HSD17B12: variants seen among roughly 807,000 people sequenced by gnomAD.
HSD17B12 encodes the protein hydroxysteroid 17-beta dehydrogenase 12, also known as very-long-chain 3-oxoacyl-CoA reductase.
HSD17B12 carries 32 observed loss-of-function variants against 39.3 expected under a neutral mutation model. The observed-to-expected ratio is 0.81, with a 90% CI of 0.61 to 1.09. The LOEUF is 1.09. Among genes scored for constraint, HSD17B12 ranks in the 50% least tolerant of loss-of-function variants. The probability of loss-of-function intolerance (pLI) is 0.00; values close to 1 mark genes in which losing one functional copy is unlikely to be tolerated. For missense variants in HSD17B12, 342 were observed against 382.9 expected (o/e 0.89, Z 0.89); for synonymous variants, 150 against 146.7 (o/e 1.02, Z -0.16).
chr11:43,723,120 TGG>T (rs1848711130), intron 1 of HSD17B12, among the ~76,000 whole-genome samples: 1 of 152,112 alleles, frequency 6.6e-6, no homozygotes, highest in Admixed American at 6.6e-5. Context: ...TAAAAAAAGG[TGG>T]CATGTTAGTA....
intron 1 of HSD17B12, among the ~76,000 whole-genome samples, chr11:43,716,658 G>A (rs374562264): frequency 9.4e-5 from 14 of 149,722 alleles, no homozygotes; most frequent in African/African-American, 3.2e-4. Flanking sequence ...AATCTAGTTG[G>A]GACAATTAAA....
Position 43,682,202 on chromosome 11 carries a change from C to T in HSD17B12, c.160+1215C>T, listed in dbSNP as rs572726530. Among the ~76,000 whole-genome samples, 7 of 152,222 alleles carry T rather than the reference C, an allele frequency of 4.6e-5. No homozygotes were observed. The South Asian group carries it at 1.4e-3, about 32-fold the overall frequency. On this transcript the variant is annotated intron_variant, in intron 1 of 10. Transcript: ENST00000278353. Reference sequence around the variant, plus strand: ...TGGATATGTATGTGAAATCTTTGGACGATGTGGAGCAACATTATAATTCTG... The same window carrying T: ...TGGATATGTATGTGAAATCTTTGGATGATGTGGAGCAACATTATAATTCTG...
At chr11:43,693,257 G>A (rs1949879599) in intron 1 of HSD17B12, among the ~76,000 whole-genome samples, 1 of 152,214 alleles carries the variant, frequency 6.6e-6, no homozygotes. Flanking sequence ...CAAAGTGGAA[G>A]AGATTTGTCT....
the HSD17B12 span, among the ~76,000 whole-genome samples, chr11:43,642,492 A>C: frequency 2.5e-4 from 38 of 151,946 alleles, no homozygotes; most frequent in Admixed American, 2.3e-3. Context: ...ATAATCTTAT[A>C]GTACTGAGAA....
At chr11:43,709,406 G>A (rs1317957706) in intron 1 of HSD17B12, among the ~76,000 whole-genome samples, 6 of 152,232 alleles carry the variant, frequency 3.9e-5, no homozygotes, top group East Asian at 1.9e-4. Flanking sequence ...GATTACAGGC[G>A]TGAGCCACTG....
At chr11:43,852,377 G>C (rs572551192) in intron 9 of HSD17B12, 28 of 152,178 alleles carry the variant, frequency 1.8e-4, no homozygotes, top group Admixed American at 1.6e-3. Context: ...ACGCAGTTGA[G>C]AGGTATAATG....
In HSD17B12 at chr11:43,798,271, T is replaced by C. The variant is rs1354290807; in HGVS notation, c.284-49T>C. The C allele has an allele frequency of 3.9e-6, 4 of 1,035,290 alleles. No homozygotes were observed. In the Admixed American group the frequency reaches 6.9e-5, roughly 18 times the overall value. 64.1% of individuals were successfully genotyped at this position (1,035,290 alleles called of 1,614,324 possible). On this transcript the variant is annotated intron_variant, in intron 3 of 10. Transcript: ENST00000278353. ...TCAAATGCCTTAATCTTCACTGCCA[T>C]GTACTAATTTTCCCTGTCTCTCCCC...
the HSD17B12 span, among the ~76,000 whole-genome samples, chr11:43,601,743 A>T: frequency 6.6e-6 from 1 of 152,108 alleles, no homozygotes; most frequent in Admixed American, 6.6e-5. Flanking sequence ...TTCTTTGAAT[A>T]CTTCCTCTGT....
chr11:43,611,958 T>C, the HSD17B12 span, among the ~76,000 whole-genome samples: 8 of 152,212 alleles, frequency 5.3e-5, no homozygotes, highest in Non-Finnish European at 1.2e-4. Context: ...CTTGGACTTA[T>C]AGTAGGTTCT....
intron 3 of HSD17B12, among the ~76,000 whole-genome samples, chr11:43,793,012 C>T (rs1368675071): frequency 6.6e-6 from 1 of 152,098 alleles, no homozygotes; most frequent in African/African-American, 2.4e-5. Context: ...CTGCTTTATG[C>T]CAGACATGGT....
chr11:43,766,294 T>C (rs1950594996), intron 3 of HSD17B12, among the ~76,000 whole-genome samples: 1 of 152,220 alleles, frequency 6.6e-6, no homozygotes, highest in South Asian at 2.1e-4. Context: ...CTTCTCCTCA[T>C]AATGGTCTAG....
chr11:43,713,107 A>G (rs1950085050), intron 1 of HSD17B12, among the ~76,000 whole-genome samples: 2 of 152,220 alleles, frequency 1.3e-5, no homozygotes, highest in South Asian at 4.1e-4. Context: ...TCTACACTGT[A>G]CAATTTGGTA....
chr11:43,685,281 A>ACCTGCTTTGCTTAGC (rs2134765739), intron 1 of HSD17B12, among the ~76,000 whole-genome samples: 2 of 5,144 alleles, frequency 3.9e-4, no homozygotes, highest in African/African-American at 4.4e-4. Context: ...ATTCATGAAA[A>ACCTGCTTTGCTTAGC]CATGCATCAA....
upstream of HSD17B12, among the ~76,000 whole-genome samples, chr11:43,677,653 C>T (rs984376033): frequency 4.2e-5 from 6 of 141,554 alleles, no homozygotes; most frequent in Non-Finnish European, 9.2e-5. Context: ...TCCAAGTGTT[C>T]TCATTGTTCA....
chr11:43,612,879 A>G, the HSD17B12 span, among the ~76,000 whole-genome samples: 1 of 152,166 alleles, frequency 6.6e-6, no homozygotes, highest in Non-Finnish European at 1.5e-5. Flanking sequence ...TGGGTGAGAA[A>G]TGGAGTTGGC....
intron 3 of HSD17B12, among the ~76,000 whole-genome samples, chr11:43,783,452 C>T (rs558468254): frequency 1.5e-4 from 23 of 149,508 alleles, no homozygotes; most frequent in Non-Finnish European, 2.2e-4. Flanking sequence ...CTGGGATACA[C>T]GTGCAGAACA....
chr11:43,837,368 G>C (rs1951381230), intron 7 of HSD17B12, among the ~76,000 whole-genome samples: 1 of 152,056 alleles, frequency 6.6e-6, no homozygotes, highest in South Asian at 2.1e-4. Flanking sequence ...GAGGTGGGTG[G>C]GATCAGGTTG....
chr11:43,654,955 T>G, the HSD17B12 span, among the ~76,000 whole-genome samples: 2 of 152,152 alleles, frequency 1.3e-5, no homozygotes, highest in African/African-American at 2.4e-5. Context: ...GTCATTGGTA[T>G]TTTGATGGGG....
chr11:43,659,793 ACCTTTCTT>A, the HSD17B12 span, among the ~76,000 whole-genome samples: 1 of 151,986 alleles, frequency 6.6e-6, no homozygotes, highest in African/African-American at 2.4e-5. Flanking sequence ...TATGAGCAAA[ACCTTTCTT>A]ATATAAGTGA....
Sources: gnomAD v4.1 joint callset for allele counts (sites outside exome capture counted in the v4.1 genomes callset) on GRCh38, gnomAD v4.1.1 for gene constraint, MANE v1.5 for transcripts, NCBI Gene and HGNC (gene_info 2026-07-23, HGNC 2026-07-21) for gene names.